CCDC141: variants seen among roughly 807,000 people sequenced by gnomAD.
The protein encoded by CCDC141 is coiled-coil domain-containing protein 141.
A neutral mutation model predicts 181.0 loss-of-function variants in CCDC141; 168 were observed. That is an observed-to-expected ratio of 0.93 (90% confidence interval 0.82 to 1.05). CCDC141 has a LOEUF of 1.05. Ranked by LOEUF, CCDC141 falls within the 50% of genes least tolerant of loss-of-function variation. CCDC141 has a pLI of 0.00. For synonymous variants in CCDC141, 666 were observed against 642.3 expected (o/e 1.04, Z -0.56); for missense variants, 1,902 against 1,788.5 (o/e 1.06, Z -1.14).
intron 7 of CCDC141, among the ~76,000 whole-genome samples, chr2:178,912,401 C>A (rs1688256327): frequency 6.6e-6 from 1 of 152,164 alleles, no homozygotes; most frequent in Non-Finnish European, 1.5e-5. Flanking sequence ...TAGATATGAA[C>A]TGAGTTGTGA....
chr2:179,046,893 G>A lies in CCDC141; in HGVS notation c.225+391C>T, dbSNP rs188139528. Among the ~76,000 whole-genome samples, 239 of 152,220 alleles carry A rather than the reference G, an allele frequency of 1.6e-3. 1 individual carries two copies. Among genetic ancestry groups the A allele is most frequent in the African/African-American group, 5.7e-3 (235 of 41,536 alleles). On this transcript the variant is annotated intron_variant, in intron 2 of 23. Coordinates refer to ENST00000443758, the MANE Select transcript of CCDC141 (RefSeq NM_173648.4). ...CAGATATTTTCAATAGTCCAACGGG[G>A]GAAAAGTCTTCTAAATTATTTTTAC...
chr2:178,971,774 A>C (rs1050157031), intron 4 of CCDC141, among the ~76,000 whole-genome samples: 21 of 152,220 alleles, frequency 1.4e-4, no homozygotes, highest in African/African-American at 5.1e-4. Context: ...TGTCCTTTGC[A>C]GGGACATGGA....
intron 21 of CCDC141, among the ~76,000 whole-genome samples, chr2:178,848,114 C>T (rs1162165237): frequency 6.6e-6 from 1 of 152,060 alleles, no homozygotes; most frequent in African/African-American, 2.4e-5. Context: ...AGTGATATAG[C>T]TAAGGAAGGA....
chr2:178,816,489 G>A, the CCDC141 span, among the ~76,000 whole-genome samples: 2 of 152,156 alleles, frequency 1.3e-5, no homozygotes, highest in East Asian at 1.9e-4. Flanking sequence ...TATGAATAAA[G>A]CTGCTATAAA....
chr2:178,860,458 G>A (rs189330262), intron 17 of CCDC141, among the ~76,000 whole-genome samples: 240 of 150,618 alleles, frequency 1.6e-3, no homozygotes, highest in Non-Finnish European at 2.2e-3. Flanking sequence ...GCTTGAACCC[G>A]GGAGGCAGAT....
intron 14 of CCDC141, 79 bp downstream of exon 14, chr2:178,871,348 C>A: frequency 6.9e-7 from 1 of 1,451,002 alleles, no homozygotes; most frequent in African/African-American, 1.4e-5. Context: ...CAGCCTGTTA[C>A]AATTAATCAG....
intron 2 of CCDC141, among the ~76,000 whole-genome samples, chr2:179,019,503 A>C (rs984274466): frequency 1.3e-5 from 2 of 152,082 alleles, no homozygotes; most frequent in African/African-American, 4.8e-5. Flanking sequence ...CGTAATATTT[A>C]TTTCATACAG....
At chr2:178,975,897 T>A (rs1251558375) in intron 3 of CCDC141, among the ~76,000 whole-genome samples, 1 of 152,144 alleles carries the variant, frequency 6.6e-6, no homozygotes, top group Non-Finnish European at 1.5e-5. Flanking sequence ...TTTGTATGCA[T>A]TACATCTATA....
chr2:178,979,274 A>G (rs927908005), intron 2 of CCDC141, among the ~76,000 whole-genome samples: 3 of 152,238 alleles, frequency 2.0e-5, no homozygotes, highest in African/African-American at 7.2e-5. Context: ...AGGATTCAAT[A>G]AGATCCATAT....
rs905403411 is a variant in CCDC141, at chr2:178,986,598, T to G, written c.226-7923A>C. On this transcript the variant is annotated intron_variant, in intron 2 of 23. Coordinates refer to ENST00000443758, the MANE Select transcript of CCDC141 (RefSeq NM_173648.4). Reference sequence around the variant, plus strand: ...GTCTCAGCCCAAAATCTCCTTAAGCTGATAAGCAACTTCAGCAAAGTCTCA... The same window carrying G: ...GTCTCAGCCCAAAATCTCCTTAAGCGGATAAGCAACTTCAGCAAAGTCTCA... 9.7e-4 allele frequency among the ~76,000 whole-genome samples: 146 copies of G among 151,128 alleles called. 16 individuals are homozygous for G. Among genetic ancestry groups the G allele is most frequent in the Non-Finnish European group, 7.4e-5 (5 of 67,322 alleles).
At chr2:178,941,131 T>C (rs1689492203) in intron 6 of CCDC141, among the ~76,000 whole-genome samples, 1 of 152,204 alleles carries the variant, frequency 6.6e-6, no homozygotes, top group Admixed American at 6.5e-5. Flanking sequence ...GCTTACACAT[T>C]ATGAGGACTT....
At chr2:178,910,038 T>C (rs1002443635) in intron 7 of CCDC141, among the ~76,000 whole-genome samples, 1 of 152,226 alleles carries the variant, frequency 6.6e-6, no homozygotes, top group African/African-American at 2.4e-5. Flanking sequence ...CTCTTTTCGG[T>C]CTTGTTTTGG....
intron 4 of CCDC141, among the ~76,000 whole-genome samples, chr2:178,971,913 C>T (rs191981518): frequency 3.6e-4 from 54 of 151,920 alleles, no homozygotes; most frequent in African/African-American, 1.2e-3. Context: ...CATCACACAC[C>T]GGGGCCTGTC....
chr2:178,902,447 C>T (rs1320989492), intron 8 of CCDC141, among the ~76,000 whole-genome samples: 16 of 152,020 alleles, frequency 1.1e-4, no homozygotes, highest in Non-Finnish European at 2.1e-4. Context: ...TCAGAAATAA[C>T]ACCGCATATC....
At chr2:179,004,116 C>T (rs1035171307) in intron 2 of CCDC141, among the ~76,000 whole-genome samples, 1 of 152,074 alleles carries the variant, frequency 6.6e-6, no homozygotes, top group Non-Finnish European at 1.5e-5. Context: ...ATTACCTCAA[C>T]AAATTTGGTC....
chr2:179,030,775 G>C (rs1053112408), intron 2 of CCDC141, among the ~76,000 whole-genome samples: 1 of 151,884 alleles, frequency 6.6e-6, no homozygotes, highest in Non-Finnish European at 1.5e-5. Context: ...CTCATCCTAT[G>C]ACAGTGTCTA....
intron 12 of CCDC141, 199 bp downstream of exon 12, chr2:178,877,765 C>T (rs1414828406): frequency 1.6e-6 from 1 of 612,248 alleles, no homozygotes; most frequent in Non-Finnish European, 2.9e-6. Flanking sequence ...AACAGCCTTC[C>T]TGTTATAAAC....
chr2:178,926,663 C>G (rs902975288), intron 6 of CCDC141: 2 of 152,126 alleles, frequency 1.3e-5, no homozygotes, highest in Non-Finnish European at 2.9e-5. Flanking sequence ...AACAAAGGTG[C>G]CACTAATTTA....
chr2:178,920,714 AC>A (rs1222247643), intron 6 of CCDC141, among the ~76,000 whole-genome samples: 1 of 151,944 alleles, frequency 6.6e-6, no homozygotes, highest in Non-Finnish European at 1.5e-5. Flanking sequence ...ACACACACAC[AC>A]ACACACACAC....
Sources: allele counts gnomAD v4.1 joint callset (sites outside exome capture counted in the v4.1 genomes callset), GRCh38; gene constraint gnomAD v4.1.1; transcripts MANE v1.5; gene names NCBI Gene and HGNC (gene_info 2026-07-23, HGNC 2026-07-21).